Variants in EYA1 observed in about 807,000 individuals in gnomAD.
EYA1 encodes the protein EYA transcriptional coactivator and phosphatase 1.
EYA1 carries 16 observed loss-of-function variants against 82.0 expected under a neutral mutation model. The observed-to-expected ratio is 0.20, with a 90% CI of 0.13 to 0.30. The LOEUF (loss-of-function observed/expected upper bound fraction) is 0.30. Among genes scored for constraint, EYA1 ranks in the 10% least tolerant of loss-of-function variants. The probability of loss-of-function intolerance (pLI) is 1.00; values close to 1 mark genes in which losing one functional copy is unlikely to be tolerated. For synonymous variants in EYA1, 261 were observed against 264.4 expected (o/e 0.99, Z 0.12); for missense variants, 633 against 730.7 (o/e 0.87, Z 1.54).
At chr8:71,539,180 T>A (rs1352568470) in intron 1 of EYA1, among the ~76,000 whole-genome samples, 1 of 151,876 alleles carries the variant, frequency 6.6e-6, no homozygotes, top group African/African-American at 2.4e-5. Context: ...AGGAAAAGCC[T>A]CTTCCTGAAA....
intron 12 of EYA1, among the ~76,000 whole-genome samples, chr8:71,226,350 G>A (rs1810553099): frequency 6.6e-6 from 1 of 151,968 alleles, no homozygotes; most frequent in Admixed American, 6.6e-5. Flanking sequence ...TTCTTAGTGA[G>A]TACAATGTTA....
chr8:71,508,949 T>C (rs769594591), intron 2 of EYA1, among the ~76,000 whole-genome samples: 1 of 152,126 alleles, frequency 6.6e-6, no homozygotes, highest in Non-Finnish European at 1.5e-5. Context: ...GTGCCAGGTG[T>C]GGTGGCTCAC....
intron 2 of EYA1, among the ~76,000 whole-genome samples, chr8:71,473,199 A>C (rs1267346483): frequency 2.0e-5 from 3 of 152,140 alleles, no homozygotes; most frequent in Non-Finnish European, 4.4e-5. Context: ...AAAATTGACA[A>C]ATGGGATCTA....
At chr8:71,244,765 G>C (rs910749279) in intron 11 of EYA1, 73 bp from the exon 12 acceptor site, 2 of 909,802 alleles carry the variant, frequency 2.2e-6, no homozygotes, top group African/African-American at 3.3e-5. Flanking sequence ...TCATTAAGAG[G>C]AAGCAGGCAT....
intron 2 of EYA1, among the ~76,000 whole-genome samples, chr8:71,435,121 T>C (rs1242514396): frequency 1.3e-5 from 2 of 152,162 alleles, no homozygotes; most frequent in African/African-American, 4.8e-5. Flanking sequence ...CTATCCATCA[T>C]TCAAGGTTCT....
rs554200555 is a variant in EYA1 at position 71,396,349 on chromosome 8, G to T, written c.34-39838C>A. The stretch of plus-strand genomic sequence containing the variant: ...CTTCTGCTAGCTTTTGAATGTGTTT[G>T]CTCTTGCTTTTCTAGTTCTTTTAAT... On this transcript the variant is annotated intron_variant, in intron 2 of 18. Coordinates refer to the EYA1 transcript ENST00000643681. Among the ~76,000 whole-genome samples, 394 of 152,178 alleles carry T rather than the reference G, an allele frequency of 2.6e-3. 2 individuals are homozygous for T. The highest frequency in any genetic ancestry group is 9.2e-3 in the African/African-American group (383 of 41,496).
rs374397914 is a variant in EYA1, at chr8:71,215,492, T to C, written c.1492A>G (p.Ile498Val). 5 of 1,613,946 alleles carry C rather than the reference T, an allele frequency of 3.1e-6. No homozygotes were observed. Among genetic ancestry groups the C allele is most frequent in the Admixed American group, 1.7e-5 (1 of 60,028 alleles). ...LIHSRTNCVN[I>V]LVTTTQLIPA... ...ATGAGCTGAGTAGTTGTTACTAAAA[T>C]ATTCACACAGTTTGTCCTATGAGAA... is the stretch of plus-strand genomic sequence containing the variant. Residue 498 changes from isoleucine to valine, a missense_variant, in exon 16 of 18, where the codon ATT becomes GTT. Ile to Val is a conservative substitution (Grantham distance 29). Transcript: ENST00000340726.
At chr8:71,298,962 C>A in intron 9 of EYA1, 85 bp downstream of exon 9, 2 of 1,363,936 alleles carry the variant, frequency 1.5e-6, no homozygotes, top group Non-Finnish European at 2.1e-6. Flanking sequence ...ATTGTGCAAC[C>A]ACTGCATGAA....
chr8:71,523,153 C>T (rs1411367573), intron 2 of EYA1, among the ~76,000 whole-genome samples: 1 of 146,028 alleles, frequency 6.8e-6, no homozygotes, highest in African/African-American at 2.6e-5. Flanking sequence ...ATCTATTCAG[C>T]TCTTTTTCTT....
chr8:71,468,984 T>C (rs1410235019), intron 2 of EYA1, among the ~76,000 whole-genome samples: 1 of 152,156 alleles, frequency 6.6e-6, no homozygotes, highest in African/African-American at 2.4e-5. Context: ...CATAAATGTT[T>C]CTTGCTGTTG....
chr8:71,367,223 T>C (rs926489902), intron 2 of EYA1, among the ~76,000 whole-genome samples: 1 of 152,174 alleles, frequency 6.6e-6, no homozygotes, highest in African/African-American at 2.4e-5. Context: ...AGCAATTATA[T>C]GCATGTCTTG....
At chr8:71,364,835 G>C (rs572426382), upstream of EYA1, among the ~76,000 whole-genome samples, 16 of 150,896 alleles carry the variant, frequency 1.1e-4, 1 homozygote, top group South Asian at 3.3e-3. Flanking sequence ...GACAGAGCCA[G>C]CTGTTGCCTA....
At chr8:71,486,497 G>T (rs560158929) in intron 2 of EYA1, among the ~76,000 whole-genome samples, 1 of 152,200 alleles carries the variant, frequency 6.6e-6, no homozygotes, top group Non-Finnish European at 1.5e-5. Context: ...GCCCAGTCGT[G>T]CCTCCTCTTG....
intron 2 of EYA1, among the ~76,000 whole-genome samples, chr8:71,419,050 T>C (rs1831006690): frequency 6.6e-6 from 1 of 152,032 alleles, no homozygotes; most frequent in African/African-American, 2.4e-5. Flanking sequence ...AAGGCCAGAG[T>C]ATCAGTTAGA....
At chr8:71,492,231 G>A (rs1202215416) in intron 2 of EYA1, among the ~76,000 whole-genome samples, 1 of 152,176 alleles carries the variant, frequency 6.6e-6, no homozygotes, top group African/African-American at 2.4e-5. Context: ...CCCAGGGAGT[G>A]GCGCGTCTGA....
At chr8:71,233,518 T>A (rs1369637641) in intron 12 of EYA1, among the ~76,000 whole-genome samples, 2 of 150,206 alleles carry the variant, frequency 1.3e-5, no homozygotes, top group East Asian at 3.9e-4. Context: ...GAGCCGAGAT[T>A]GTGCCACTGC....
rs181112180 is a variant in EYA1, at chr8:71,394,075, G to A, written c.34-37564C>T. On this transcript the variant is annotated intron_variant, in intron 2 of 18. Transcript: ENST00000643681. Reference sequence around the variant, plus strand: ...AGCATTTTTTCAGTGTCTGTTGGCTGCATAAATGTCTTCTTTTGAGAAGTG... The same window carrying A: ...AGCATTTTTTCAGTGTCTGTTGGCTACATAAATGTCTTCTTTTGAGAAGTG... 9.5e-4 allele frequency among the ~76,000 whole-genome samples: 145 copies of A among 152,292 alleles called. 2 individuals carry two copies. The East Asian group carries it at 0.024, about 26-fold the overall frequency.
chr8:71,414,136 C>T (rs1317518378), intron 2 of EYA1, among the ~76,000 whole-genome samples: 2 of 152,300 alleles, frequency 1.3e-5, no homozygotes, highest in Non-Finnish European at 1.5e-5. Context: ...CAGGCCAGGC[C>T]ATCAGGCACC....
chr8:71,248,169 T>A (rs1270911341), intron 11 of EYA1, among the ~76,000 whole-genome samples: 1 of 152,238 alleles, frequency 6.6e-6, no homozygotes, highest in Non-Finnish European at 1.5e-5. Flanking sequence ...TACCTCTTAA[T>A]GTTAATCTCT....
Sources: gnomAD v4.1 joint callset for allele counts (sites outside exome capture counted in the v4.1 genomes callset) on GRCh38, gnomAD v4.1.1 for gene constraint, MANE v1.5 for transcripts, NCBI Gene and HGNC (gene_info 2026-07-23, HGNC 2026-07-21) for gene names.